CACNA2D3: variants seen among roughly 807,000 people sequenced by gnomAD.
CACNA2D3 encodes calcium voltage-gated channel auxiliary subunit alpha2delta 3.
A neutral mutation model predicts 160.6 loss-of-function variants in CACNA2D3; 60 were observed. The observed-to-expected ratio is 0.37, with a 90% CI of 0.30 to 0.46. The LOEUF (loss-of-function observed/expected upper bound fraction) is 0.46. CACNA2D3 is among the 20% of genes least tolerant of loss of function. The pLI, the probability that CACNA2D3 is intolerant of heterozygous loss-of-function variation, is 1.00. For missense variants in CACNA2D3, 1,205 were observed against 1,365.0 expected, an observed-to-expected ratio of 0.88 and a Z score of 1.85; for synonymous variants, 558 against 492.9, an observed-to-expected ratio of 1.13 and a Z score of -1.75.
rs1345018764 is a variant in CACNA2D3, at chr3:54,523,974, TA to T, written c.544+20321del. On this transcript the variant is annotated intron_variant, in intron 5 of 37. Coordinates refer to ENST00000474759, the MANE Select transcript of CACNA2D3 (RefSeq NM_018398.3). ...TTTTGGTTTCGTTGATTTTCTCAAA[TA>T]TTTTTTTCTATTCTCAATTTTATTA... 5.3e-5 allele frequency among the ~76,000 whole-genome samples: 8 copies of T among 152,162 alleles called. No homozygotes were observed. In the East Asian group the frequency reaches 1.4e-3, roughly 26 times the overall value.
chr3:54,491,320 C>T (rs139641165), intron 4 of CACNA2D3, among the ~76,000 whole-genome samples: 3 of 152,336 alleles, frequency 2.0e-5, no homozygotes, highest in East Asian at 1.9e-4. Context: ...TTAATTTCCA[C>T]GCCACAATGT....
chr3:54,610,775 A>T (rs1310810937), intron 9 of CACNA2D3, among the ~76,000 whole-genome samples: 1 of 152,088 alleles, frequency 6.6e-6, no homozygotes, highest in Non-Finnish European at 1.5e-5. Context: ...TATTACAGAC[A>T]TCCGCCACCA....
At chr3:54,966,031 C>T (rs1333236741) in intron 27 of CACNA2D3, among the ~76,000 whole-genome samples, 1 of 152,090 alleles carries the variant, frequency 6.6e-6, no homozygotes, top group Non-Finnish European at 1.5e-5. Flanking sequence ...CCGACAGGGG[C>T]AGATGAGAAC....
chr3:54,703,582 C>T (rs1575431123), intron 11 of CACNA2D3, among the ~76,000 whole-genome samples: 1 of 152,284 alleles, frequency 6.6e-6, no homozygotes, highest in East Asian at 1.9e-4. Flanking sequence ...GTTGACTATC[C>T]TCCTACCAGG....
At chr3:54,921,007 G>C (rs1373413630) in intron 27 of CACNA2D3, among the ~76,000 whole-genome samples, 1 of 152,192 alleles carries the variant, frequency 6.6e-6, no homozygotes, top group African/African-American at 2.4e-5. Context: ...CTCCTGTGCA[G>C]GTGATCCTCA....
At chr3:54,678,822 A>G (rs1559547052) in intron 11 of CACNA2D3, among the ~76,000 whole-genome samples, 1 of 151,858 alleles carries the variant, frequency 6.6e-6, no homozygotes, top group Non-Finnish European at 1.5e-5. Context: ...TCAGGTTTAA[A>G]AATTAAATGA....
chr3:54,304,901 G>A (rs933272531), intron 2 of CACNA2D3, among the ~76,000 whole-genome samples: 4 of 151,784 alleles, frequency 2.6e-5, no homozygotes, highest in African/African-American at 9.7e-5. Flanking sequence ...GTTCCTCCGA[G>A]CATCTTTTGC....
At chr3:54,985,898 C>T (rs1233147534) in intron 30 of CACNA2D3, among the ~76,000 whole-genome samples, 1 of 152,094 alleles carries the variant, frequency 6.6e-6, no homozygotes, top group Non-Finnish European at 1.5e-5. Context: ...ATGCCCATTC[C>T]CAGTCTCCTC....
intron 11 of CACNA2D3, among the ~76,000 whole-genome samples, chr3:54,744,655 G>A (rs1575453590): frequency 6.6e-6 from 1 of 152,246 alleles, no homozygotes. Flanking sequence ...ACCCACAGGA[G>A]TCAGCTTCCT....
intron 27 of CACNA2D3, among the ~76,000 whole-genome samples, chr3:54,962,659 G>C (rs975568716): frequency 3.3e-5 from 5 of 152,186 alleles, no homozygotes; most frequent in African/African-American, 1.2e-4. Context: ...CTTAAAACGG[G>C]TTTGCAATCA....
chr3:54,387,414 G>A (rs1036430896), intron 4 of CACNA2D3, among the ~76,000 whole-genome samples: 31 of 152,300 alleles, frequency 2.0e-4, no homozygotes, highest in African/African-American at 7.0e-4. Flanking sequence ...CACTTTGGGA[G>A]ACTGAGGCAG....
chr3:54,979,783 T>C (rs1348918195), intron 29 of CACNA2D3, among the ~76,000 whole-genome samples: 1 of 152,180 alleles, frequency 6.6e-6, no homozygotes. Flanking sequence ...GAAATCTGCA[T>C]TCAATAGCAC....
intron 5 of CACNA2D3, among the ~76,000 whole-genome samples, chr3:54,507,720 G>A (rs1489858302): frequency 1.3e-5 from 2 of 152,194 alleles, no homozygotes; most frequent in Non-Finnish European, 2.9e-5. Flanking sequence ...GGAATGGAGG[G>A]AGGCTGGGGC....
chr3:54,189,833 CA>C (rs1220524596), intron 2 of CACNA2D3, among the ~76,000 whole-genome samples: 1 of 152,166 alleles, frequency 6.6e-6, no homozygotes, highest in African/African-American at 2.4e-5. Flanking sequence ...AGATTGTTTA[CA>C]AAAGGAGTTG....
At chr3:54,581,102 C>T (rs902124810) in intron 8 of CACNA2D3, among the ~76,000 whole-genome samples, 8 of 152,130 alleles carry the variant, frequency 5.3e-5, no homozygotes, top group African/African-American at 1.7e-4. Context: ...AGAGGCAACA[C>T]GATCAGATGT....
intron 13 of CACNA2D3, among the ~76,000 whole-genome samples, chr3:54,802,825 G>A (rs1703024773): frequency 6.6e-6 from 1 of 152,150 alleles, no homozygotes; most frequent in African/African-American, 2.4e-5. Flanking sequence ...GGGGCAGACT[G>A]ACATCTCACA....
At chr3:54,750,199 G>A (rs562578977) in intron 11 of CACNA2D3, among the ~76,000 whole-genome samples, 15 of 152,270 alleles carry the variant, frequency 9.9e-5, no homozygotes, top group African/African-American at 3.1e-4. Flanking sequence ...AAGGCTCTTC[G>A]TCTAGACAGC....
chr3:54,700,304 A>G (rs1012950973), intron 11 of CACNA2D3, among the ~76,000 whole-genome samples: 1 of 152,136 alleles, frequency 6.6e-6, no homozygotes, highest in African/African-American at 2.4e-5. Flanking sequence ...TTGTTTATTT[A>G]TGCTCTCCTG....
chr3:54,416,014 A>G (rs550463221), intron 4 of CACNA2D3, among the ~76,000 whole-genome samples: 1 of 152,318 alleles, frequency 6.6e-6, no homozygotes, highest in African/African-American at 2.4e-5. Context: ...GTGAAACCCA[A>G]AAAAACCCCT....
Sources: gnomAD v4.1 joint callset for allele counts (sites outside exome capture counted in the v4.1 genomes callset) on GRCh38, gnomAD v4.1.1 for gene constraint, MANE v1.5 for transcripts, NCBI Gene and HGNC (gene_info 2026-07-23, HGNC 2026-07-21) for gene names.